Variants in VPS8 observed in about 807,000 individuals in gnomAD.
VPS8 encodes the protein VPS8 subunit of CORVET complex.
A neutral mutation model predicts 216.4 loss-of-function variants in VPS8; 129 were observed. That is an observed-to-expected ratio of 0.60 (90% CI 0.52 to 0.69). The LOEUF is 0.69. Ranked by LOEUF, VPS8 falls within the 30% of genes least tolerant of loss-of-function variation. The pLI is 0.00. For missense variants in VPS8, 1,531 were observed against 1,683.5 expected, an observed-to-expected ratio of 0.91 and a Z score of 1.59; for synonymous variants, 571 against 565.4, an observed-to-expected ratio of 1.01 and a Z score of -0.14.
intron 34 of VPS8, among the ~76,000 whole-genome samples, chr3:184,931,817 C>T (rs1490110491): frequency 6.6e-6 from 1 of 151,932 alleles, no homozygotes; most frequent in Non-Finnish European, 1.5e-5. Flanking sequence ...TCTTTTTCAT[C>T]CTCCTCTTTA....
intron 46 of VPS8, among the ~76,000 whole-genome samples, chr3:185,046,942 A>G (rs1056332934): frequency 2.6e-5 from 4 of 152,208 alleles, no homozygotes; most frequent in African/African-American, 7.2e-5. Flanking sequence ...TCATTTGATC[A>G]GCAGATGATG....
intron 35 of VPS8, among the ~76,000 whole-genome samples, chr3:184,939,094 ATTTAC>A (rs1742182692): frequency 6.6e-6 from 1 of 151,702 alleles, no homozygotes; most frequent in Non-Finnish European, 1.5e-5. Context: ...GAAATGAAGT[ATTTAC>A]TTTATTGCAT....
intron 7 of VPS8, among the ~76,000 whole-genome samples, chr3:184,841,921 A>C (rs963759634): frequency 1.3e-5 from 2 of 152,174 alleles, no homozygotes; most frequent in Admixed American, 6.5e-5. Context: ...AAAGGAGGCA[A>C]ATTCTAAGAT....
chr3:184,842,485 C>G (rs1465085121), intron 7 of VPS8, among the ~76,000 whole-genome samples: 1 of 151,794 alleles, frequency 6.6e-6, no homozygotes, highest in African/African-American at 2.4e-5. Flanking sequence ...TCTGGTTGTG[C>G]TTTGGGTATT....
At chr3:185,024,273 G>A (rs1757048704) in intron 45 of VPS8, 63 bp from the exon 46 acceptor site, 9 of 1,401,436 alleles carry the variant, frequency 6.4e-6, no homozygotes, top group Admixed American at 4.2e-5. Flanking sequence ...TATTTTGAAT[G>A]TGGGTCAGAC....
intron 1 of VPS8, chr3:184,813,736 G>C (rs530843203): frequency 6.6e-6 from 1 of 152,292 alleles, no homozygotes; most frequent in East Asian, 1.9e-4. Context: ...GATGTTTTCT[G>C]TCTTCCAGAA....
chr3:184,969,272 C>T (rs1203726873), intron 39 of VPS8, among the ~76,000 whole-genome samples: 1 of 151,404 alleles, frequency 6.6e-6, no homozygotes, highest in Admixed American at 6.6e-5. Flanking sequence ...TGCGTGCCAC[C>T]ACACCCGGCT....
In VPS8 at chr3:184,843,251, G is replaced by T; in HGVS notation, c.541+6G>T. On this transcript the variant is annotated splice_donor_region_variant and intron_variant, in intron 8 of 47. Transcript: ENST00000625842. ...CATGGATTCAAAAGGAAAAGGTATA[G>T]TAAGTAATTTTAGTTTGCATGAATG... 1 of 1,408,314 alleles carries T rather than the reference G, an allele frequency of 7.1e-7. No homozygotes were observed. The highest frequency in any genetic ancestry group is 9.4e-7 in the Non-Finnish European group (1 of 1,065,390). The allele number at this position is 1,408,314 out of a possible 1,614,324, so 87.2% of individuals were successfully genotyped here.
At chr3:184,981,682 C>T (rs761445551) in intron 40 of VPS8, among the ~76,000 whole-genome samples, 3 of 151,952 alleles carry the variant, frequency 2.0e-5, no homozygotes, top group Non-Finnish European at 4.4e-5. Flanking sequence ...GTGGTCTGCC[C>T]GCCTCGGCCT....
chr3:184,836,333 A>G (rs1186605609), intron 5 of VPS8: 1 of 456,472 alleles, frequency 2.2e-6, no homozygotes, highest in Non-Finnish European at 4.4e-6. Context: ...ATCCTTATGT[A>G]GGTGATGAAA....
Position 184,885,999 on chromosome 3 carries a change from T to C in VPS8, c.1735-111T>C. ...CAAATTGCTTACCAAAAGCATGATATGAAGTTATATCCTCCTAACAATCTA... is the reference window on the plus strand; with the variant it reads ...CAAATTGCTTACCAAAAGCATGATACGAAGTTATATCCTCCTAACAATCTA... On this transcript the variant is annotated intron_variant, in intron 21 of 47. Coordinates refer to ENST00000625842, the MANE Select transcript of VPS8 (RefSeq NM_001009921.3). The C allele has an allele frequency of 2.5e-6, 3 of 1,189,558 alleles. No homozygotes were observed. The South Asian group carries it at 4.6e-5, about 18-fold the overall frequency. 73.7% of individuals were successfully genotyped at this position (1,189,558 alleles called of 1,614,324 possible).
chr3:185,010,744 G>A (rs915160846), intron 45 of VPS8, among the ~76,000 whole-genome samples: 6 of 152,158 alleles, frequency 3.9e-5, no homozygotes, highest in African/African-American at 1.4e-4. Context: ...GCTCATGCCT[G>A]TAATCCCAGC....
intron 46 of VPS8, among the ~76,000 whole-genome samples, chr3:185,039,541 A>G (rs1473287787): frequency 6.6e-6 from 1 of 151,540 alleles, no homozygotes; most frequent in African/African-American, 2.4e-5. Context: ...TTTTTTTTGG[A>G]AAAGAAATGC....
In VPS8 at chr3:184,827,023, T is replaced by G. The variant is rs980042717; in HGVS notation, c.222+792T>G. 2.6e-5 allele frequency among the ~76,000 whole-genome samples: 4 copies of G among 152,218 alleles called. No homozygotes were observed. In the East Asian group the frequency reaches 7.7e-4, roughly 29 times the overall value. The stretch of plus-strand genomic sequence containing the variant: ...TTTAAAAACTTGCTTGAGACTTCCC[T>G]TGGAGGTTTTAGCTTCTAATTTGAG... On this transcript the variant is annotated intron_variant, in intron 3 of 47. Coordinates refer to ENST00000625842, the MANE Select transcript of VPS8 (RefSeq NM_001009921.3).
rs980902844 is a variant in VPS8 at position 184,944,680 on chromosome 3, T to C, written c.3035+4437T>C. On this transcript the variant is annotated intron_variant, in intron 36 of 47. Coordinates refer to ENST00000625842, the MANE Select transcript of VPS8 (RefSeq NM_001009921.3). ...TTGTTAACAATATTCTGAAGGCCTC[T>C]GAAACATATAGTATGATTTTCCTGT... 8.6e-6 allele frequency: 6 copies of C among 701,072 alleles called. No homozygotes were observed. In the East Asian group the frequency reaches 7.9e-4, roughly 92 times the overall value. 43.4% of individuals were successfully genotyped at this position (701,072 alleles called of 1,614,324 possible). A position where few individuals can be genotyped will look rare whatever the true frequency, so the allele number is the denominator to read the frequency against.
At chr3:184,838,184 A>G (rs985399426) in intron 5 of VPS8, among the ~76,000 whole-genome samples, 2 of 152,198 alleles carry the variant, frequency 1.3e-5, no homozygotes, top group African/African-American at 4.8e-5. Flanking sequence ...AATGCCATGT[A>G]GTTACCGGTA....
In VPS8 at chr3:184,900,939, G is replaced by T; in HGVS notation, c.2113G>T (p.Ala705Ser). 6.2e-7 allele frequency: 1 copy of T among 1,606,152 alleles called. No individual in the cohort carries two copies. Among genetic ancestry groups the T allele is most frequent in the Non-Finnish European group, 8.5e-7 (1 of 1,178,230 alleles). ...AATGCAGAAACTTTTCAGAGTCATT[G>T]CTCCTCCTCTGAATGCAGGAAAAAC... ...SPMEKLFRVI[A>S]PPLNAGKTLT... is the part of the protein sequence containing the mutation. Residue 705 changes from alanine (A) to serine (S), a missense_variant, in exon 25 of 48, where the codon GCT (alanine) becomes TCT (serine). Coordinates refer to ENST00000625842, the MANE Select transcript of VPS8 (RefSeq NM_001009921.3).
chr3:184,985,026 G>A (rs1439513601), intron 42 of VPS8, among the ~76,000 whole-genome samples: 1 of 151,936 alleles, frequency 6.6e-6, no homozygotes, highest in Non-Finnish European at 1.5e-5. Flanking sequence ...ATTTTCAATG[G>A]TTGTTAACTC....
rs190080361 is a variant in VPS8, at chr3:184,837,910, T to C, written c.448-804T>C. 7.4e-4 allele frequency among the ~76,000 whole-genome samples: 113 copies of C among 152,348 alleles called. 1 individual carries two copies. The highest frequency in any genetic ancestry group is 2.9e-3 in the Admixed American group (45 of 15,304). Reference sequence around the variant, plus strand: ...TGGAAAATCAGAATAACATTGCCTGTTCTATACATCTCTCTAGGTCTGAGA... The same window carrying C: ...TGGAAAATCAGAATAACATTGCCTGCTCTATACATCTCTCTAGGTCTGAGA... On this transcript the variant is annotated intron_variant, in intron 5 of 47. Coordinates refer to ENST00000625842, the MANE Select transcript of VPS8 (RefSeq NM_001009921.3).
Sources: allele counts gnomAD v4.1 joint callset (sites outside exome capture counted in the v4.1 genomes callset), GRCh38; gene constraint gnomAD v4.1.1; transcripts MANE v1.5; gene names NCBI Gene and HGNC (gene_info 2026-07-23, HGNC 2026-07-21).